The following LIN7A variants were observed in gnomAD, a reference collection of about 807,000 sequenced individuals.
LIN7A encodes lin-7 cell polarity scaffold A.
LIN7A carries 25 observed loss-of-function variants against 29.8 expected under a neutral mutation model. The ratio of observed to expected loss-of-function variants is 0.84; its 90% CI spans 0.61 to 1.17. The LOEUF is 1.17. Ranked by LOEUF, LIN7A falls within the 50% of genes most tolerant of loss-of-function variation. The pLI is 0.00. For missense variants in LIN7A, 239 were observed against 287.0 expected (o/e 0.83, Z 1.21); for synonymous variants, 118 against 107.5 (o/e 1.10, Z -0.60).
At position 80,845,920 on chromosome 12, in the gene LIN7A, G is replaced by T; in HGVS notation, c.293C>A (p.Ala98Glu). The change falls in exon 4 of 6, where the codon GCA (alanine) becomes GAA (glutamate). Residue 98 changes from alanine (A) to glutamate (E), a missense_variant. Ala to Glu is a moderately radical substitution (Grantham distance 107, BLOSUM62 -1). Coordinates refer to ENST00000552864, the MANE Select transcript of LIN7A (RefSeq NM_004664.4). ...AGGGTGGGAGTGGCCTTCACTAGCT[G>T]CAAAAGCTGCAACTGTTGCCTGAAA... is the stretch of plus-strand genomic sequence containing the variant. The part of the protein sequence containing the change: ...ATAKATVAAF[A>E]ASEGHSHPRV... The T allele has an allele frequency of 6.3e-7, 1 of 1,582,846 alleles. No individual in the cohort carries two copies. The highest frequency in any genetic ancestry group is 8.6e-7 in the Non-Finnish European group (1 of 1,168,234).
chr12:80,915,204 G>A (rs1592947473), intron 1 of LIN7A, among the ~76,000 whole-genome samples: 1 of 149,182 alleles, frequency 6.7e-6, no homozygotes, highest in Non-Finnish European at 1.5e-5. Context: ...TAAAAACTGG[G>A]TAAAGGACAT....
chr12:80,901,242 T>G (rs993634897), intron 1 of LIN7A, among the ~76,000 whole-genome samples: 1 of 152,146 alleles, frequency 6.6e-6, no homozygotes, highest in Non-Finnish European at 1.5e-5. Flanking sequence ...ACACTATTCC[T>G]TATTTACATT....
chr12:80,916,574 G>T (rs535077460), intron 1 of LIN7A, among the ~76,000 whole-genome samples: 1 of 152,160 alleles, frequency 6.6e-6, no homozygotes, highest in Admixed American at 6.6e-5. Context: ...CTTCCTGAGA[G>T]TTGAGACTGT....
Position 80,845,726 on chromosome 12 carries a change from A to T in LIN7A, c.483+4T>A. 6.2e-7 allele frequency: 1 copy of T among 1,610,402 alleles called. No homozygotes were observed. ...GAAAATCTCTGGTTATTTTATAAAC[A>T]TACCACTCCGTTCACTGATAGCAGC... On this transcript the variant is annotated splice_donor_region_variant and intron_variant, in intron 4 of 5. Transcript: ENST00000552864.
At chr12:80,933,331 A>G (rs936049291) in intron 1 of LIN7A, among the ~76,000 whole-genome samples, 1 of 152,166 alleles carries the variant, frequency 6.6e-6, no homozygotes, top group Non-Finnish European at 1.5e-5. Context: ...TTTCTTGGTT[A>G]TAAATGTAAA....
chr12:80,823,872 A>G (rs2121523179), intron 4 of LIN7A, among the ~76,000 whole-genome samples: 1 of 152,348 alleles, frequency 6.6e-6, no homozygotes, highest in African/African-American at 2.4e-5. Context: ...ATACAGCAAA[A>G]GTGGAGCTAA....
chr12:80,826,641 G>A (rs79708121), intron 4 of LIN7A, among the ~76,000 whole-genome samples: 14,895 of 151,920 alleles, frequency 0.098, 785 homozygotes, highest in East Asian at 0.18. Flanking sequence ...TCCTGCCTCC[G>A]CCTCCCGAGT....
At chr12:80,926,548 T>C (rs1220779071) in intron 1 of LIN7A, among the ~76,000 whole-genome samples, 1 of 152,334 alleles carries the variant, frequency 6.6e-6, no homozygotes, top group African/African-American at 2.4e-5. Context: ...ATAATTACTT[T>C]GACAGTTTCT....
At chr12:80,893,387 T>C (rs770910563) in intron 1 of LIN7A, among the ~76,000 whole-genome samples, 5 of 152,150 alleles carry the variant, frequency 3.3e-5, no homozygotes, top group African/African-American at 1.2e-4. Flanking sequence ...CAAGTTGTTG[T>C]TTTTTTAATT....
At chr12:80,811,396 C>CATATATAAATATATGTGT in intron 5 of LIN7A, 69 bp downstream of exon 5, 2 of 501,922 alleles carry the variant, frequency 4.0e-6, no homozygotes, top group Admixed American at 3.7e-5. Context: ...TAAGTATATT[C>CATATATAAATATATGTGT]ATATATACAT....
intron 2 of LIN7A, among the ~76,000 whole-genome samples, chr12:80,869,981 G>A (rs1257854318): frequency 1.3e-5 from 2 of 152,060 alleles, no homozygotes; most frequent in Admixed American, 1.3e-4. Flanking sequence ...ATGTTTTAAA[G>A]GATTGGAAAC....
At chr12:80,863,650 A>G (rs1011494426) in intron 2 of LIN7A, among the ~76,000 whole-genome samples, 8 of 152,248 alleles carry the variant, frequency 5.3e-5, no homozygotes, top group African/African-American at 1.9e-4. Flanking sequence ...ATGTGAAAAC[A>G]TATCTTGATG....
rs987886865 is a variant in LIN7A at position 80,887,450 on chromosome 12, G to T, written c.201+1801C>A. Among the ~76,000 whole-genome samples the T allele has an allele frequency of 2.6e-5, 4 of 152,146 alleles. No individual in the cohort carries two copies. The South Asian group carries it at 8.3e-4, about 32-fold the overall frequency. On this transcript the variant is annotated intron_variant, in intron 2 of 5. Transcript: ENST00000552864. ...ATCCAATGTTCTTACTACATGGCCT[G>T]CCAGGCCTATGTGTTCTGCTCTCCA... is the stretch of plus-strand genomic sequence containing the variant.
chr12:80,818,026 G>T (rs531438313), intron 4 of LIN7A, among the ~76,000 whole-genome samples: 1 of 152,268 alleles, frequency 6.6e-6, no homozygotes, highest in South Asian at 2.1e-4. Context: ...GGATTAGGGG[G>T]TTATGATTCT....
chr12:80,860,450 C>T (rs959550271), intron 2 of LIN7A, among the ~76,000 whole-genome samples: 1 of 152,162 alleles, frequency 6.6e-6, no homozygotes, highest in Non-Finnish European at 1.5e-5. Context: ...AGAAGGATGA[C>T]TAAAATAGTG....
intron 5 of LIN7A, among the ~76,000 whole-genome samples, chr12:80,799,907 G>A (rs1592841550): frequency 6.6e-6 from 1 of 152,120 alleles, no homozygotes; most frequent in East Asian, 1.9e-4. Flanking sequence ...AGCTACTTAG[G>A]AGACTGAGAT....
At chr12:80,915,532 A>G (rs1876989429) in intron 1 of LIN7A, among the ~76,000 whole-genome samples, 1 of 152,212 alleles carries the variant, frequency 6.6e-6, no homozygotes, top group Non-Finnish European at 1.5e-5. Flanking sequence ...GTATATATCC[A>G]AGAGAAAATA....
At chr12:80,800,627 C>A (rs190273016) in intron 5 of LIN7A, among the ~76,000 whole-genome samples, 1 of 151,798 alleles carries the variant, frequency 6.6e-6, no homozygotes, top group Admixed American at 6.6e-5. Flanking sequence ...GCAGGAAGCA[C>A]CCGACCCTGA....
intron 1 of LIN7A, among the ~76,000 whole-genome samples, chr12:80,917,530 T>C (rs1877087491): frequency 6.6e-6 from 1 of 152,182 alleles, no homozygotes; most frequent in Non-Finnish European, 1.5e-5. Context: ...GGTATTATAA[T>C]TTAAAATGTT....
Sources: allele counts gnomAD v4.1 joint callset (sites outside exome capture counted in the v4.1 genomes callset), GRCh38; gene constraint gnomAD v4.1.1; transcripts MANE v1.5; gene names NCBI Gene and HGNC (gene_info 2026-07-23, HGNC 2026-07-21).